The following USH2A variants were observed in gnomAD, a reference collection of about 807,000 sequenced individuals.
The protein encoded by USH2A is usherin.
Under a neutral mutation model 538.9 loss-of-function variants are expected in USH2A, and 443 were observed. That is an observed-to-expected ratio of 0.82 (90% CI 0.76 to 0.89). The LOEUF is 0.89. Among genes scored for constraint, USH2A ranks in the 40% least tolerant of loss-of-function variants. The pLI, the probability that USH2A is intolerant of heterozygous loss-of-function variation, is 0.00. For synonymous variants in USH2A, 2,413 were observed against 2,273.5 expected (o/e 1.06, Z -1.75); for missense variants, 6,633 against 6,324.8 (o/e 1.05, Z -1.65).
intron 30 of USH2A, among the ~76,000 whole-genome samples, chr1:216,053,945 G>A (rs573189232): frequency 2.6e-5 from 4 of 152,216 alleles, no homozygotes; most frequent in African/African-American, 9.6e-5. Flanking sequence ...AGGTTAAGAG[G>A]CCTACTGCAT....
intron 49 of USH2A, among the ~76,000 whole-genome samples, chr1:215,810,213 A>G (rs187271389): frequency 0.011 from 1,747 of 152,316 alleles, 27 homozygotes; most frequent in African/African-American, 0.039. Flanking sequence ...GTATTTATAC[A>G]TACAGACAAT....
chr1:215,790,018 A>G, intron 51 of USH2A, 41 bp downstream of exon 51: 2 of 1,580,376 alleles, frequency 1.3e-6, no homozygotes, highest in East Asian at 2.2e-5. Flanking sequence ...TTCTCTTTCC[A>G]TTGTCAAATC....
intron 37 of USH2A, among the ~76,000 whole-genome samples, chr1:215,964,470 TTAAG>T (rs1667283686): frequency 6.6e-6 from 1 of 152,194 alleles, no homozygotes; most frequent in East Asian, 1.9e-4. Flanking sequence ...GAGGATGTTA[TTAAG>T]TATTACAAAG....
At chr1:215,786,060 T>C (rs1166971195) in intron 52 of USH2A, among the ~76,000 whole-genome samples, 1 of 152,158 alleles carries the variant, frequency 6.6e-6, no homozygotes, top group South Asian at 2.1e-4. Flanking sequence ...AGAACTGTTT[T>C]AGAGATAATT....
chr1:216,114,052 A>T (rs193084056), intron 21 of USH2A, among the ~76,000 whole-genome samples: 98 of 151,958 alleles, frequency 6.4e-4, no homozygotes, highest in African/African-American at 2.3e-3. Flanking sequence ...ACTCTTTTGT[A>T]TTAAAATGAT....
rs568973900 is a variant in USH2A at position 215,930,365 on chromosome 1, TAACAAAGACAGTTTCAGAC to T, written c.7300+4232_7300+4250del. On this transcript the variant is annotated intron_variant, in intron 38 of 71. Transcript: ENST00000307340. ...TAGCTTTCTGAGTAGTTCTTTGATG[TAACAAAGACAGTTTCAGAC>T]AAGATTTCAGTTCATCTGGAAAAAA... Among the ~76,000 whole-genome samples, 636 of 152,132 alleles carry T rather than the reference TAACAAAGACAGTTTCAGAC, an allele frequency of 4.2e-3. 5 individuals carry two copies. The highest frequency in any genetic ancestry group is 7.4e-3 in the Non-Finnish European group (503 of 67,964).
At chr1:216,148,388 A>C (rs564593013) in intron 21 of USH2A, among the ~76,000 whole-genome samples, 412 of 151,948 alleles carry the variant, frequency 2.7e-3, no homozygotes, top group African/African-American at 9.5e-3. Flanking sequence ...CCTTCTTCCC[A>C]ATCCAAAGCC....
At chr1:216,089,592 T>C (rs1029638013) in intron 22 of USH2A, among the ~76,000 whole-genome samples, 2 of 151,974 alleles carry the variant, frequency 1.3e-5, no homozygotes, top group African/African-American at 4.8e-5. Flanking sequence ...TTCACAAAAT[T>C]ATCAATAACA....
chr1:215,965,334 A>G lies in USH2A; in HGVS notation c.7103T>C (p.Ile2368Thr), dbSNP rs1187652010. ...CAAATTACCTGGGTCTACATAGAAT[A>G]TCCCAGTGAAAAGGACTGAGTGTGT... is the stretch of plus-strand genomic sequence containing the variant. ...LLTHSVLFTG[I>T]FYVDPVGNNY... is the part of the protein sequence containing the mutation. Residue 2368 changes from isoleucine (I) to threonine (T), a missense_variant, in exon 37 of 72, where the codon ATA becomes ACA. Physicochemically the swap from Ile to Thr is moderately conservative, Grantham distance 89. Transcript: ENST00000307340. 6.2e-7 allele frequency: 1 copy of G among 1,613,774 alleles called. No individual in the cohort carries two copies. Among genetic ancestry groups the G allele is most frequent in the Admixed American group, 1.7e-5 (1 of 59,972 alleles).
chr1:216,070,098 T>C lies in USH2A; in HGVS notation c.6049+3A>G. On this transcript the variant is annotated splice_donor_region_variant and intron_variant, in intron 30 of 71. Coordinates refer to ENST00000307340, the MANE Select transcript of USH2A (RefSeq NM_206933.4). ...GTCTACTCTGTTAAAGGATTGCATTTACCTGTGAGGTTGCTTGTATTGACA... is the reference window on the plus strand; with the variant it reads ...GTCTACTCTGTTAAAGGATTGCATTCACCTGTGAGGTTGCTTGTATTGACA... 1 of 1,613,900 alleles carries C rather than the reference T, an allele frequency of 6.2e-7. No individual in the cohort carries two copies. Among genetic ancestry groups the C allele is most frequent in the Non-Finnish European group, 8.5e-7 (1 of 1,179,854 alleles).
chr1:216,420,093 T>C (rs1356807203), intron 2 of USH2A, among the ~76,000 whole-genome samples: 3 of 151,820 alleles, frequency 2.0e-5, no homozygotes, highest in Non-Finnish European at 2.9e-5. Flanking sequence ...CCTTCAGTAG[T>C]TGAATATTTC....
At chr1:216,259,785 T>C (rs1033009018) in intron 11 of USH2A, among the ~76,000 whole-genome samples, 4 of 152,118 alleles carry the variant, frequency 2.6e-5, no homozygotes, top group African/African-American at 7.2e-5. Context: ...ATTAAGCACA[T>C]GTATTTTCCT....
At chr1:215,638,642 G>C (rs1656576873) in intron 69 of USH2A, among the ~76,000 whole-genome samples, 1 of 136,006 alleles carries the variant, frequency 7.4e-6, no homozygotes, top group Admixed American at 7.5e-5. Context: ...AAAAAAGAGT[G>C]TATTGTAACT....
intron 41 of USH2A, 41 bp downstream of exon 41, chr1:215,888,385 T>C (rs540502965): frequency 5.0e-6 from 8 of 1,610,290 alleles, no homozygotes; most frequent in Middle Eastern, 2.2e-4. Flanking sequence ...CCAGGGTACA[T>C]TCCTAAGTCT....
intron 21 of USH2A, among the ~76,000 whole-genome samples, chr1:216,103,756 A>C (rs1181218469): frequency 1.3e-5 from 2 of 152,220 alleles, no homozygotes; most frequent in Non-Finnish European, 2.9e-5. Flanking sequence ...CTAAACAATC[A>C]CTTGACTAAA....
At chr1:215,799,994 C>CA (rs1461390715) in intron 49 of USH2A, among the ~76,000 whole-genome samples, 2 of 151,704 alleles carry the variant, frequency 1.3e-5, no homozygotes, top group African/African-American at 4.8e-5. Flanking sequence ...CAAAAACAAA[C>CA]AAACAAAAAA....
At chr1:216,075,624 T>C (rs1413099179) in intron 27 of USH2A, among the ~76,000 whole-genome samples, 5 of 151,926 alleles carry the variant, frequency 3.3e-5, no homozygotes, top group African/African-American at 1.2e-4. Flanking sequence ...GCCCCCACTC[T>C]CTCCCTCTCC....
At position 215,648,808 on chromosome 1, in the gene USH2A, T is replaced by C. The variant is rs773388459; in HGVS notation, c.14344-42A>G. On this transcript the variant is annotated intron_variant, in intron 65 of 71. Transcript: ENST00000307340. ...GGCTAGATAAAGGCAGTGTCAAACA[T>C]TAAAGGTGTTTGATGAATGTTATCC... is the stretch of plus-strand genomic sequence containing the variant. The C allele has an allele frequency of 5.1e-6, 8 of 1,561,424 alleles. No homozygotes were observed. The South Asian group carries it at 8.9e-5, about 17-fold the overall frequency.
At chr1:215,791,889 A>C (rs942916892) in intron 50 of USH2A, among the ~76,000 whole-genome samples, 22 of 152,170 alleles carry the variant, frequency 1.4e-4, no homozygotes, top group African/African-American at 5.3e-4. Context: ...TACATACATG[A>C]GTGTACACAC....
Sources: gnomAD v4.1 joint callset for allele counts (sites outside exome capture counted in the v4.1 genomes callset) on GRCh38, gnomAD v4.1.1 for gene constraint, MANE v1.5 for transcripts, NCBI Gene and HGNC (gene_info 2026-07-23, HGNC 2026-07-21) for gene names.